The following MDGA2 variants were observed in gnomAD, a reference collection of about 807,000 sequenced individuals.
MDGA2 encodes the protein MAM domain containing glycosylphosphatidylinositol anchor 2, also known as MAM domain-containing glycosylphosphatidylinositol anchor protein 2.
MDGA2 carries 40 observed loss-of-function variants against 117.8 expected under a neutral mutation model. That is an observed-to-expected ratio of 0.34 (90% CI 0.26 to 0.44). The LOEUF (loss-of-function observed/expected upper bound fraction) is 0.44, where lower values mean the gene tolerates loss of function less well. MDGA2 is among the 20% of genes least tolerant of loss of function. The pLI is 1.00. For synonymous variants in MDGA2, 452 were observed against 439.0 expected, an observed-to-expected ratio of 1.03 and a Z score of -0.37; for missense variants, 1,123 against 1,250.6, an observed-to-expected ratio of 0.90 and a Z score of 1.54.
At chr14:46,980,027 T>C (rs1886608347) in intron 8 of MDGA2, among the ~76,000 whole-genome samples, 1 of 152,196 alleles carries the variant, frequency 6.6e-6, no homozygotes, top group Non-Finnish European at 1.5e-5. Flanking sequence ...ATTATACTGT[T>C]AGGGGCTACT....
rs140446331 is a variant in MDGA2 at position 47,198,649 on chromosome 14, T to C, written c.595+19372A>G. Among the ~76,000 whole-genome samples, 21 of 152,334 alleles carry C rather than the reference T, an allele frequency of 1.4e-4. No homozygotes were observed. In the East Asian group the frequency reaches 2.3e-3, roughly 17 times the overall value. On this transcript the variant is annotated intron_variant, in intron 3 of 16. Coordinates refer to ENST00000399232, the MANE Select transcript of MDGA2 (RefSeq NM_001113498.3). ...AATTATGATGAAAACATTGCAATGA[T>C]GCTATGAATATTCTGTTAAAGCTTT...
intron 3 of MDGA2, among the ~76,000 whole-genome samples, chr14:47,180,466 T>A (rs917070992): frequency 6.6e-6 from 1 of 152,148 alleles, no homozygotes; most frequent in Non-Finnish European, 1.5e-5. Context: ...AAAGGTGTAC[T>A]ATCTAGCATC....
intron 9 of MDGA2, among the ~76,000 whole-genome samples, chr14:46,950,856 G>T (rs2138611004): frequency 6.6e-6 from 1 of 150,548 alleles, no homozygotes; most frequent in Non-Finnish European, 1.5e-5. Context: ...TTTTCTATCT[G>T]GTCACTGTTA....
At chr14:46,979,280 C>A (rs557814958) in intron 8 of MDGA2, among the ~76,000 whole-genome samples, 215 of 152,132 alleles carry the variant, frequency 1.4e-3, no homozygotes, top group African/African-American at 4.9e-3. Context: ...CAGCTGCTTC[C>A]CCGTCTCTCA....
At chr14:47,216,211 G>A (rs1255889455) in intron 3 of MDGA2, among the ~76,000 whole-genome samples, 2 of 152,104 alleles carry the variant, frequency 1.3e-5, no homozygotes, top group East Asian at 3.9e-4. Flanking sequence ...CTAAAAATGT[G>A]AATTTCCCGC....
chr14:47,526,705 A>G (rs1894980211), intron 1 of MDGA2, among the ~76,000 whole-genome samples: 1 of 152,090 alleles, frequency 6.6e-6, no homozygotes, highest in Non-Finnish European at 1.5e-5. Context: ...TAGTTCTCTG[A>G]GATTTCTTCT....
chr14:47,360,078 G>A (rs1381849037), intron 1 of MDGA2, among the ~76,000 whole-genome samples: 1 of 151,872 alleles, frequency 6.6e-6, no homozygotes, highest in African/African-American at 2.4e-5. Context: ...AGGGCCGGGT[G>A]CAGTGGCTCA....
chr14:46,932,875 GA>G (rs1411966243), intron 9 of MDGA2, among the ~76,000 whole-genome samples: 1 of 151,482 alleles, frequency 6.6e-6, no homozygotes, highest in Admixed American at 6.6e-5. Context: ...AGATAATCAC[GA>G]GAAATATATA....
chr14:46,868,867 T>TTC (rs1881884106), intron 14 of MDGA2, among the ~76,000 whole-genome samples: 1 of 151,998 alleles, frequency 6.6e-6, no homozygotes, highest in Non-Finnish European at 1.5e-5. Flanking sequence ...GGAAGGCAAC[T>TTC]TCCATGTCAG....
intron 2 of MDGA2, among the ~76,000 whole-genome samples, chr14:47,279,619 G>A (rs931415274): frequency 4.0e-5 from 6 of 151,590 alleles, no homozygotes; most frequent in Non-Finnish European, 4.4e-5. Flanking sequence ...AGAGTTTCCC[G>A]TCATCCTTAA....
At chr14:46,938,643 G>A (rs1033223793) in intron 9 of MDGA2, among the ~76,000 whole-genome samples, 1 of 151,642 alleles carries the variant, frequency 6.6e-6, no homozygotes, top group African/African-American at 2.4e-5. Flanking sequence ...GCAAGAAAGG[G>A]GAACTCAAAC....
chr14:46,937,857 A>G (rs1884840142), intron 9 of MDGA2, among the ~76,000 whole-genome samples: 1 of 152,226 alleles, frequency 6.6e-6, no homozygotes, highest in Non-Finnish European at 1.5e-5. Flanking sequence ...ATTAGAAGAA[A>G]ACATAGGGGA....
intron 5 of MDGA2, among the ~76,000 whole-genome samples, chr14:47,120,999 C>G (rs112244791): frequency 1.2e-4 from 19 of 152,176 alleles, no homozygotes; most frequent in African/African-American, 4.6e-4. Context: ...TAGCTAACAT[C>G]AGAAAAATGT....
At chr14:47,494,048 T>C (rs530052373) in intron 1 of MDGA2, among the ~76,000 whole-genome samples, 2 of 152,312 alleles carry the variant, frequency 1.3e-5, no homozygotes, top group South Asian at 2.1e-4. Flanking sequence ...CTGATGGTTT[T>C]ATAAGGGGCT....
intron 8 of MDGA2, among the ~76,000 whole-genome samples, chr14:47,018,133 T>C (rs1034684808): frequency 2.1e-5 from 3 of 140,778 alleles, no homozygotes; most frequent in Middle Eastern, 3.6e-3. Flanking sequence ...TTTTTTTTTC[T>C]GGGGTAATTG....
chr14:47,123,257 A>C (rs1256146208), intron 5 of MDGA2, among the ~76,000 whole-genome samples: 4 of 152,084 alleles, frequency 2.6e-5, no homozygotes, highest in Non-Finnish European at 5.9e-5. Flanking sequence ...TTTCATTGGT[A>C]GGACAACAAA....
chr14:47,301,306 CA>C, intron 2 of MDGA2, 104 bp downstream of exon 2: 1 of 1,261,340 alleles, frequency 7.9e-7, no homozygotes, highest in South Asian at 1.4e-5. Flanking sequence ...CACACACACA[CA>C]CACACACACA....
chr14:47,096,899 T>G lies in MDGA2; in HGVS notation c.1150A>C (p.Asn384His). 1 of 1,613,252 alleles carries G rather than the reference T, an allele frequency of 6.2e-7. No individual in the cohort carries two copies. ...GACTTTTTTGCAGGGTTTCCCACATTATTATTGGCAATGCAGCTGTAAGTA... is the reference window on the plus strand; with the variant it reads ...GACTTTTTTGCAGGGTTTCCCACATGATTATTGGCAATGCAGCTGTAAGTA... Reference protein sequence around the residue: ...AGTYSCIANNNVGNPAKKSTN... With the variant: ...AGTYSCIANNHVGNPAKKSTN... The change falls in exon 6 of 17, where the codon AAT becomes CAT. Residue 384 changes from asparagine to histidine, a missense_variant. By Grantham distance (68) the Asn-to-His change is moderately conservative. Around this residue, in one of 2 missense-constraint regions of MDGA2, gnomAD observed 890 missense variants for 1,050.3 expected, o/e 0.85. Transcript: ENST00000399232.
intron 6 of MDGA2, among the ~76,000 whole-genome samples, chr14:47,092,729 T>C (rs960540654): frequency 7.2e-5 from 11 of 152,082 alleles, no homozygotes; most frequent in African/African-American, 2.7e-4. Context: ...TCATAGTCTA[T>C]TGGTAAGCAT....
Sources: gnomAD v4.1 joint callset for allele counts (sites outside exome capture counted in the v4.1 genomes callset) on GRCh38, gnomAD v4.1.1 for gene constraint, gnomAD v4.1.1 regional missense constraint, MANE v1.5 for transcripts, NCBI Gene and HGNC (gene_info 2026-07-23, HGNC 2026-07-21) for gene names.